Variants in RYR3 observed in about 807,000 individuals in gnomAD.
RYR3 encodes the protein brain ryanodine receptor-calcium release channel.
In RYR3, 207 loss-of-function variants were observed where a neutral mutation model predicts 584.3. The ratio of observed to expected loss-of-function variants is 0.35; its 90% CI spans 0.32 to 0.40. The LOEUF (loss-of-function observed/expected upper bound fraction) is 0.40. Ranked by LOEUF, RYR3 falls within the 10% of genes least tolerant of loss-of-function variation. RYR3 has a pLI of 1.00. For synonymous variants in RYR3, 2,416 were observed against 2,248.5 expected, an observed-to-expected ratio of 1.07 and a Z score of -2.11; for missense variants, 5,616 against 6,089.2, an observed-to-expected ratio of 0.92 and a Z score of 2.59.
intron 1 of RYR3, among the ~76,000 whole-genome samples, chr15:33,458,864 T>C (rs2047784913): frequency 6.6e-6 from 1 of 152,218 alleles, no homozygotes; most frequent in African/African-American, 2.4e-5. Flanking sequence ...AGCCTTTGGA[T>C]TCTTGATTGA....
intron 43 of RYR3, 77 bp downstream of exon 43, chr15:33,707,131 T>C: frequency 3.3e-6 from 5 of 1,504,168 alleles, no homozygotes; most frequent in Non-Finnish European, 4.6e-6. Flanking sequence ...AAGGATATCC[T>C]TTCCATTGCT....
intron 23 of RYR3, among the ~76,000 whole-genome samples, 185 bp downstream of exon 23, chr15:33,631,478 G>T (rs1166498666): frequency 6.6e-6 from 1 of 152,092 alleles, no homozygotes; most frequent in Non-Finnish European, 1.5e-5. Context: ...GTATTTCAGG[G>T]TTTTCCCTCT....
chr15:33,796,111 T>C (rs2075599690), intron 67 of RYR3, among the ~76,000 whole-genome samples: 1 of 151,998 alleles, frequency 6.6e-6, no homozygotes, highest in Non-Finnish European at 1.5e-5. Flanking sequence ...TTTGTCGTTT[T>C]TTGTTTTGTT....
At chr15:33,379,687 C>CTCTCTCTCTCTCTCTATA in intron 1 of RYR3, among the ~76,000 whole-genome samples, 29 of 125,498 alleles carry the variant, frequency 2.3e-4, no homozygotes, top group African/African-American at 1.0e-3. Flanking sequence ...CTCTCTCTCT[C>CTCTCTCTCTCTCTCTATA]TATATATATA....
rs1261058403 is a variant in RYR3, at chr15:33,662,870, G to T, written c.5340G>T (p.Glu1780Asp). ...CCCAGGTGGAGGAGAAGGCTGTGGA[G>T]GCTGGGGAGAAGGCCGGCAAGGAGG... ...EVTQVEEKAV[E>D]AGEKAGKEAP... Residue 1780 changes from glutamate to aspartate, a missense_variant, in exon 35 of 104, where the codon GAG becomes GAT. Coordinates refer to ENST00000634891, the MANE Select transcript of RYR3 (RefSeq NM_001036.6). 3 of 1,613,686 alleles carry T rather than the reference G, an allele frequency of 1.9e-6. No individual in the cohort carries two copies. The African/African-American group carries it at 4.0e-5, about 22-fold the overall frequency.
At chr15:33,389,355 G>A (rs1292464581) in intron 1 of RYR3, among the ~76,000 whole-genome samples, 1 of 152,186 alleles carries the variant, frequency 6.6e-6, no homozygotes, top group Non-Finnish European at 1.5e-5. Flanking sequence ...AAATAATAGT[G>A]TAAGTATGTT....
intron 1 of RYR3, among the ~76,000 whole-genome samples, chr15:33,450,580 T>C (rs2047040831): frequency 6.6e-6 from 1 of 151,630 alleles, no homozygotes; most frequent in Non-Finnish European, 1.5e-5. Context: ...TTGCACCCTC[T>C]GTTCTTGAAT....
At chr15:33,346,400 A>T (rs1972464439) in intron 1 of RYR3, among the ~76,000 whole-genome samples, 1 of 152,214 alleles carries the variant, frequency 6.6e-6, no homozygotes, top group Non-Finnish European at 1.5e-5. Context: ...TCTTCTCCTT[A>T]TTATTTACCT....
intron 18 of RYR3, among the ~76,000 whole-genome samples, chr15:33,609,502 A>G (rs958961161): frequency 6.6e-6 from 1 of 152,236 alleles, no homozygotes; most frequent in African/African-American, 2.4e-5. Flanking sequence ...CTGAAAATAC[A>G]AAAATTATCT....
chr15:33,781,034 G>A (rs2074350189), intron 65 of RYR3, among the ~76,000 whole-genome samples: 1 of 152,308 alleles, frequency 6.6e-6, no homozygotes, highest in African/African-American at 2.4e-5. Flanking sequence ...AGTAGAGGCA[G>A]GAAAGTTTGG....
At chr15:33,788,104 G>T in intron 66 of RYR3, 114 bp from the exon 67 acceptor site, 1 of 1,295,694 alleles carries the variant, frequency 7.7e-7, no homozygotes, top group Non-Finnish European at 1.1e-6. Flanking sequence ...GGAACAAGGG[G>T]CAGGTGCCAT....
intron 70 of RYR3, 81 bp downstream of exon 70, chr15:33,807,650 C>A: frequency 1.5e-6 from 2 of 1,366,190 alleles, no homozygotes; most frequent in South Asian, 1.2e-5. Context: ...ACTGTGATCA[C>A]CATGGGGGTG....
intron 31 of RYR3, among the ~76,000 whole-genome samples, chr15:33,651,652 C>T (rs993416813): frequency 2.0e-5 from 3 of 152,174 alleles, no homozygotes; most frequent in African/African-American, 7.2e-5. Context: ...TCTACCCACC[C>T]CACAGTGCCA....
At chr15:33,601,615 G>GA in intron 17 of RYR3, 63 bp downstream of exon 17, 1 of 1,587,814 alleles carries the variant, frequency 6.3e-7, no homozygotes, top group South Asian at 1.1e-5. Context: ...CCCCAAGCAG[G>GA]AAAAGAGGGC....
chr15:33,471,900 A>G (rs972407015), intron 1 of RYR3, among the ~76,000 whole-genome samples: 1 of 152,078 alleles, frequency 6.6e-6, no homozygotes, highest in African/African-American at 2.4e-5. Context: ...GCCCCTGACC[A>G]CCAATGCCAT....
intron 32 of RYR3, among the ~76,000 whole-genome samples, chr15:33,655,531 C>T (rs1015085889): frequency 2.0e-4 from 30 of 152,210 alleles, no homozygotes; most frequent in Non-Finnish European, 3.8e-4. Context: ...TTTAGCCCAC[C>T]TTTCACCATC....
chr15:33,823,101 T>C, intron 81 of RYR3, 29 bp downstream of exon 81: 1 of 1,584,364 alleles, frequency 6.3e-7, no homozygotes, highest in East Asian at 2.2e-5. Flanking sequence ...CCATAGCATT[T>C]AAAAAACTCT....
At chr15:33,558,902 G>A (rs1409622000) in intron 10 of RYR3, among the ~76,000 whole-genome samples, 28 of 152,212 alleles carry the variant, frequency 1.8e-4, no homozygotes, top group Admixed American at 1.8e-3. Flanking sequence ...GGCAGAGAGA[G>A]TGAGGGGAAG....
chr15:33,473,583 T>A, intron 2 of RYR3, 45 bp downstream of exon 2: 3 of 1,605,222 alleles, frequency 1.9e-6, no homozygotes, highest in Non-Finnish European at 2.6e-6. Context: ...CCTTGGCGTC[T>A]GACAAAGTCA....
Sources: gnomAD v4.1 joint callset for allele counts (sites outside exome capture counted in the v4.1 genomes callset) on GRCh38, gnomAD v4.1.1 for gene constraint, MANE v1.5 for transcripts, NCBI Gene and HGNC (gene_info 2026-07-23, HGNC 2026-07-21) for gene names.